The following ERC1 variants were observed in gnomAD, a reference collection of about 807,000 sequenced individuals.
ERC1 encodes ELKS/RAB6-interacting/CAST family member 1.
Under a neutral mutation model 132.0 loss-of-function variants are expected in ERC1, and 56 were observed. That is an observed-to-expected ratio of 0.42 (90% confidence interval 0.34 to 0.53). The LOEUF (loss-of-function observed/expected upper bound fraction) is 0.53. Ranked by LOEUF, ERC1 falls within the 20% of genes least tolerant of loss-of-function variation. The pLI, the probability that ERC1 is intolerant of heterozygous loss-of-function variation, is 0.03. For missense variants in ERC1, 1,202 were observed against 1,349.9 expected (o/e 0.89, Z 1.72); for synonymous variants, 478 against 476.1 (o/e 1.00, Z -0.05).
At chr12:1,197,656 A>G (rs1157297425) in intron 12 of ERC1, among the ~76,000 whole-genome samples, 1 of 152,232 alleles carries the variant, frequency 6.6e-6, no homozygotes, top group Non-Finnish European at 1.5e-5. Flanking sequence ...GTCTGGCTCA[A>G]AGAGACTAAG....
At chr12:1,166,840 T>C (rs1014491257) in intron 8 of ERC1, among the ~76,000 whole-genome samples, 1 of 152,232 alleles carries the variant, frequency 6.6e-6, no homozygotes, top group Non-Finnish European at 1.5e-5. Context: ...TGAGAGAATA[T>C]AGCCTTTGGA....
chr12:1,441,556 G>T (rs2093156312), intron 17 of ERC1, among the ~76,000 whole-genome samples: 2 of 152,132 alleles, frequency 1.3e-5, no homozygotes, highest in African/African-American at 4.8e-5. Context: ...TCAGTCAAAA[G>T]TAATTACCTA....
At chr12:1,406,832 C>CA (rs2091525643) in intron 16 of ERC1, among the ~76,000 whole-genome samples, 1 of 152,068 alleles carries the variant, frequency 6.6e-6, no homozygotes, top group Non-Finnish European at 1.5e-5. Context: ...GTGATGATGC[C>CA]ACTGTACTGT....
chr12:1,255,639 T>G (rs1236397931), intron 13 of ERC1, among the ~76,000 whole-genome samples: 2 of 133,246 alleles, frequency 1.5e-5, no homozygotes, highest in Non-Finnish European at 3.2e-5. Flanking sequence ...TTTTTTTTTT[T>G]TTTTTTTTTT....
chr12:1,183,954 C>T lies in ERC1; in HGVS notation c.2157+533C>T, dbSNP rs907943426. Among the ~76,000 whole-genome samples, 5 of 151,918 alleles carry T rather than the reference C, an allele frequency of 3.3e-5. No individual in the cohort carries two copies. The East Asian group carries it at 7.8e-4, about 24-fold the overall frequency. ...TTCGAGACCAGCTTGACCAACATGG[C>T]GAAACCCCATCTCTACTAAAAACAC... On this transcript the variant is annotated intron_variant, in intron 11 of 18. Coordinates refer to ENST00000360905, the MANE Select transcript of ERC1 (RefSeq NM_178040.4).
intron 10 of ERC1, 119 bp downstream of exon 10, chr12:1,182,184 T>C (rs1954555318): frequency 1.1e-6 from 1 of 932,842 alleles, no homozygotes; most frequent in Non-Finnish European, 1.6e-6. Context: ...AATATTCTTT[T>C]AGCAGGCTTT....
chr12:1,134,973 C>G lies in ERC1; in HGVS notation c.1570-6647C>G, dbSNP rs116297774. On this transcript the variant is annotated intron_variant, in intron 7 of 18. Coordinates refer to ENST00000360905, the MANE Select transcript of ERC1 (RefSeq NM_178040.4). ...GAACTCCCGACCTCTGGTGATCTGG[C>G]CACCTTGGTCTTCCAAAGTGCTGGG... Among the ~76,000 whole-genome samples, 472 of 152,208 alleles carry G rather than the reference C, an allele frequency of 3.1e-3. 5 individuals are homozygous for G. Among genetic ancestry groups the G allele is most frequent in the African/African-American group, 0.011 (451 of 41,506 alleles).
At chr12:1,032,209 A>T (rs1968173994) in intron 2 of ERC1, among the ~76,000 whole-genome samples, 1 of 151,716 alleles carries the variant, frequency 6.6e-6, no homozygotes, top group East Asian at 1.9e-4. Flanking sequence ...CCCCCACCAC[A>T]CCTGGCTAAT....
chr12:1,206,182 A>G (rs1957337723), intron 12 of ERC1, among the ~76,000 whole-genome samples: 1 of 152,030 alleles, frequency 6.6e-6, no homozygotes, highest in Non-Finnish European at 1.5e-5. Context: ...TTCATTCCAG[A>G]TTATGATTTA....
At chr12:1,046,555 A>G (rs1429310995) in intron 2 of ERC1, among the ~76,000 whole-genome samples, 1 of 152,168 alleles carries the variant, frequency 6.6e-6, no homozygotes, top group Non-Finnish European at 1.5e-5. Flanking sequence ...AGTAGTTGTG[A>G]TAGAGTCTAT....
At chr12:1,381,722 T>C (rs894639254) in intron 16 of ERC1, among the ~76,000 whole-genome samples, 2 of 152,230 alleles carry the variant, frequency 1.3e-5, no homozygotes, top group Non-Finnish European at 1.5e-5. Flanking sequence ...TGTCCTCACT[T>C]CTGGAATTGC....
At chr12:1,199,618 GA>G (rs932653391) in intron 12 of ERC1, among the ~76,000 whole-genome samples, 4 of 148,664 alleles carry the variant, frequency 2.7e-5, no homozygotes, top group South Asian at 2.1e-4. Context: ...TAAAAAATAG[GA>G]AAAAAAAAAT....
chr12:1,047,801 G>T (rs1272203539), intron 2 of ERC1, among the ~76,000 whole-genome samples: 1 of 152,030 alleles, frequency 6.6e-6, no homozygotes, highest in East Asian at 1.9e-4. Flanking sequence ...GTCTAAAACG[G>T]GTTTTAATGG....
intron 15 of ERC1, among the ~76,000 whole-genome samples, chr12:1,367,602 T>C (rs980522856): frequency 6.6e-6 from 1 of 152,198 alleles, no homozygotes; most frequent in Admixed American, 6.5e-5. Flanking sequence ...TTCAGGAATG[T>C]TATTCAAAAG....
At chr12:1,002,239 T>A (rs1962520531) in intron 1 of ERC1, among the ~76,000 whole-genome samples, 1 of 142,546 alleles carries the variant, frequency 7.0e-6, no homozygotes, top group South Asian at 2.4e-4. Context: ...AGTGTTGTGA[T>A]CATGGCTCAC....
chr12:1,404,028 G>T (rs1180312672), intron 16 of ERC1, among the ~76,000 whole-genome samples: 1 of 152,152 alleles, frequency 6.6e-6, no homozygotes, highest in Non-Finnish European at 1.5e-5. Flanking sequence ...AGAAAAATTA[G>T]CCTACATCTT....
chr12:1,125,844 G>A (rs1487824103), intron 7 of ERC1, among the ~76,000 whole-genome samples: 3 of 152,130 alleles, frequency 2.0e-5, no homozygotes, highest in Non-Finnish European at 4.4e-5. Context: ...AAAACAAACA[G>A]TATTTTTTAG....
In ERC1 at chr12:1,177,619, A is replaced by T. The variant is rs896682245; in HGVS notation, c.1738-2921A>T. ...TCACCATCTCATACGGGCAGAGTTC[A>T]TGGCACCCCAGATAAATTACAATAG... is the stretch of plus-strand genomic sequence containing the variant. On this transcript the variant is annotated intron_variant, in intron 8 of 18. Coordinates refer to ENST00000360905, the MANE Select transcript of ERC1 (RefSeq NM_178040.4). Among the ~76,000 whole-genome samples, 3 of 152,346 alleles carry T rather than the reference A, an allele frequency of 2.0e-5. No homozygotes were observed. In the South Asian group the frequency reaches 6.2e-4, roughly 32 times the overall value.
At chr12:1,408,691 A>T (rs756974492) in intron 17 of ERC1, among the ~76,000 whole-genome samples, 1 of 152,334 alleles carries the variant, frequency 6.6e-6, no homozygotes, top group East Asian at 1.9e-4. Context: ...TCTGCTCATT[A>T]CCTATTAAAA....
Sources: allele counts gnomAD v4.1 joint callset (sites outside exome capture counted in the v4.1 genomes callset), GRCh38; gene constraint gnomAD v4.1.1; transcripts MANE v1.5; gene names NCBI Gene and HGNC (gene_info 2026-07-23, HGNC 2026-07-21).